CPHXL2: variants seen among roughly 807,000 people sequenced by gnomAD.
The protein encoded by CPHXL2 is cytoplasmic polyadenylated homeobox-like protein 2.
chr16:75,675,026 T>A, the CPHXL2 span, among the ~76,000 whole-genome samples: 1 of 150,212 alleles, frequency 6.7e-6, no homozygotes, highest in South Asian at 2.2e-4. Flanking sequence ...CCGTCTCTAC[T>A]AAAAATACAA....
the CPHXL2 span, among the ~76,000 whole-genome samples, chr16:75,666,881 C>G: frequency 1.5e-3 from 235 of 152,292 alleles, 2 homozygotes; most frequent in Middle Eastern, 0.014. Context: ...ATAAAGGACT[C>G]TCTCAGACCA....
the CPHXL2 span, among the ~76,000 whole-genome samples, chr16:75,666,561 T>C: frequency 7.5e-6 from 1 of 133,752 alleles, no homozygotes; most frequent in Non-Finnish European, 1.5e-5. Context: ...TGAGCTGAGA[T>C]AGTGCCATTG....
At chr16:75,669,160 A>T in the CPHXL2 span, among the ~76,000 whole-genome samples, 1 of 152,058 alleles carries the variant, frequency 6.6e-6, no homozygotes, top group African/African-American at 2.4e-5. Flanking sequence ...TACAAAAAAT[A>T]CAAAGCCCAG....
the CPHXL2 span, among the ~76,000 whole-genome samples, chr16:75,674,103 G>A: frequency 2.2e-4 from 33 of 151,690 alleles, no homozygotes; most frequent in African/African-American, 7.7e-4. Flanking sequence ...GCTGGGGGTG[G>A]TGGCTCACAC....
chr16:75,670,829 T>C, the CPHXL2 span, among the ~76,000 whole-genome samples: 1 of 152,188 alleles, frequency 6.6e-6, no homozygotes, highest in Admixed American at 6.5e-5. Context: ...CTTCAAGCCT[T>C]ACTCAATCTG....
At chr16:75,663,438 T>A in the CPHXL2 span, among the ~76,000 whole-genome samples, 2 of 152,104 alleles carry the variant, frequency 1.3e-5, no homozygotes, top group Admixed American at 1.3e-4. Flanking sequence ...CCCCTAACCA[T>A]CTTAACGGAC....
At chr16:75,669,390 T>C in the CPHXL2 span, 1 of 400,676 alleles carries the variant, frequency 2.5e-6, no homozygotes, top group Non-Finnish European at 4.4e-6. Context: ...GACAATCAAA[T>C]TTGTTGGCCA....
chr16:75,676,965 G>C, the CPHXL2 span: 1 of 398,434 alleles, frequency 2.5e-6, no homozygotes, highest in Non-Finnish European at 4.4e-6. Flanking sequence ...AACACATTGA[G>C]TTCTCTACCA....
the CPHXL2 span, among the ~76,000 whole-genome samples, chr16:75,674,692 CTA>C: frequency 1.3e-5 from 2 of 151,742 alleles, no homozygotes; most frequent in Non-Finnish European, 1.5e-5. Flanking sequence ...TTAAAACTTA[CTA>C]TATATATATG....
the CPHXL2 span, among the ~76,000 whole-genome samples, chr16:75,675,690 C>T: frequency 6.6e-6 from 1 of 152,286 alleles, no homozygotes; most frequent in East Asian, 1.9e-4. Context: ...AACCTTTCAT[C>T]CCAAAGTTTT....
At chr16:75,660,520 C>T in the CPHXL2 span, 1 of 398,654 alleles carries the variant, frequency 2.5e-6, no homozygotes, top group Admixed American at 4.4e-5. Flanking sequence ...TCCCAAGGAC[C>T]CGAGTCCATT....
chr16:75,670,014 A>G, the CPHXL2 span, among the ~76,000 whole-genome samples: 4 of 152,246 alleles, frequency 2.6e-5, no homozygotes, highest in Non-Finnish European at 5.9e-5. Flanking sequence ...TCCTGGGTTC[A>G]AGCAATTCTC....
the CPHXL2 span, among the ~76,000 whole-genome samples, chr16:75,675,204 A>G: frequency 1.3e-5 from 2 of 148,952 alleles, no homozygotes; most frequent in African/African-American, 4.9e-5. Flanking sequence ...AAAAAAAAAA[A>G]AGAGATGGGG....
At chr16:75,662,393 C>T in the CPHXL2 span, among the ~76,000 whole-genome samples, 1 of 145,128 alleles carries the variant, frequency 6.9e-6, no homozygotes, top group Non-Finnish European at 1.5e-5. Context: ...ATTAAACCAT[C>T]GACTGCTGGT....
At chr16:75,661,303 C>G in the CPHXL2 span, 13 of 400,078 alleles carry the variant, frequency 3.2e-5, no homozygotes, top group South Asian at 1.4e-3. Flanking sequence ...GATTATATGC[C>G]TCTATGCATT....
chr16:75,660,753 T>A, the CPHXL2 span: 1 of 398,374 alleles, frequency 2.5e-6, no homozygotes, highest in African/African-American at 2.1e-5. Context: ...TCCATGAAAA[T>A]ATGGCACAGA....
the CPHXL2 span, chr16:75,676,876 C>T: frequency 7.5e-6 from 3 of 398,000 alleles, no homozygotes; most frequent in Admixed American, 1.3e-4. Context: ...ACTGACTGCC[C>T]ACAATCTTCA....
chr16:75,676,979 G>A, the CPHXL2 span: 1 of 398,442 alleles, frequency 2.5e-6, no homozygotes, highest in Non-Finnish European at 4.4e-6. Flanking sequence ...TCTACCAAAG[G>A]CACTCACCTT....
chr16:75,676,351 C>G, the CPHXL2 span, among the ~76,000 whole-genome samples: 1 of 152,046 alleles, frequency 6.6e-6, no homozygotes, highest in African/African-American at 2.4e-5. Flanking sequence ...AGAGACAAGG[C>G]CTCACTCTGT....
Sources: allele counts gnomAD v4.1 joint callset (sites outside exome capture counted in the v4.1 genomes callset), GRCh38; gene constraint gnomAD v4.1.1; transcripts MANE v1.5; gene names NCBI Gene and HGNC (gene_info 2026-07-23, HGNC 2026-07-21).